ATP8A2: variants seen among roughly 807,000 people sequenced by gnomAD.
The protein encoded by ATP8A2 is phospholipid-transporting ATPase IB.
In ATP8A2, 100 loss-of-function variants were observed where a neutral mutation model predicts 165.6. The ratio of observed to expected loss-of-function variants is 0.60; its 90% CI spans 0.51 to 0.71. ATP8A2 has a LOEUF of 0.71. Ranked by LOEUF, ATP8A2 falls within the 30% of genes least tolerant of loss-of-function variation. The pLI is 0.00. For synonymous variants in ATP8A2, 543 were observed against 548.8 expected, an observed-to-expected ratio of 0.99 and a Z score of 0.15; for missense variants, 1,227 against 1,479.5, an observed-to-expected ratio of 0.83 and a Z score of 2.80.
chr13:25,447,327 C>T (rs185572388), intron 1 of ATP8A2, among the ~76,000 whole-genome samples: 1 of 152,174 alleles, frequency 6.6e-6, no homozygotes, highest in East Asian at 1.9e-4. Context: ...GATATATGCA[C>T]ACAATGGGTA....
At chr13:25,643,185 A>T (rs954890624) in intron 24 of ATP8A2, among the ~76,000 whole-genome samples, 25 of 152,200 alleles carry the variant, frequency 1.6e-4, no homozygotes, top group Admixed American at 1.6e-3. Context: ...CATGTTTTGC[A>T]CATGTACCCT....
At chr13:25,408,282 A>C (rs2033866679) in intron 1 of ATP8A2, among the ~76,000 whole-genome samples, 1 of 151,942 alleles carries the variant, frequency 6.6e-6, no homozygotes. Context: ...AGTCCTAGCT[A>C]CTTGGGAGGC....
At chr13:25,947,585 G>A (rs1265387888) in intron 33 of ATP8A2, among the ~76,000 whole-genome samples, 1 of 152,170 alleles carries the variant, frequency 6.6e-6, no homozygotes, top group Non-Finnish European at 1.5e-5. Flanking sequence ...CTTTCATTCA[G>A]TGATAAGGAG....
intron 33 of ATP8A2, among the ~76,000 whole-genome samples, chr13:25,954,382 A>G (rs78835901): frequency 5.9e-5 from 9 of 152,164 alleles, no homozygotes; most frequent in African/African-American, 2.2e-4. Flanking sequence ...TAAAACTCCC[A>G]TCTCCCTGGG....
At chr13:25,616,606 A>G (rs1485638384) in intron 24 of ATP8A2, among the ~76,000 whole-genome samples, 3 of 152,208 alleles carry the variant, frequency 2.0e-5, no homozygotes, top group Non-Finnish European at 4.4e-5. Context: ...TGCTGGGATT[A>G]TAGGCGTGAA....
chr13:25,400,674 A>C (rs544180756), intron 1 of ATP8A2, among the ~76,000 whole-genome samples: 3 of 152,236 alleles, frequency 2.0e-5, no homozygotes, highest in East Asian at 3.9e-4. Context: ...ACAGTAATAC[A>C]TAGGGTGGGT....
At chr13:25,800,168 A>G (rs570521843) in intron 27 of ATP8A2, among the ~76,000 whole-genome samples, 11 of 152,364 alleles carry the variant, frequency 7.2e-5, no homozygotes, top group East Asian at 3.9e-4. Context: ...TAACTTGTCC[A>G]CACTCAAACA....
chr13:25,696,967 A>G (rs1384878815), intron 24 of ATP8A2, among the ~76,000 whole-genome samples: 1 of 152,232 alleles, frequency 6.6e-6, no homozygotes, highest in African/African-American at 2.4e-5. Flanking sequence ...ACAGATTACC[A>G]TAACAGATAT....
chr13:26,013,154 G>C (rs1341693482), intron 36 of ATP8A2, among the ~76,000 whole-genome samples: 1 of 151,678 alleles, frequency 6.6e-6, no homozygotes, highest in African/African-American at 2.4e-5. Context: ...CTCAGGGGGA[G>C]CTCATGGGCT....
intron 1 of ATP8A2, among the ~76,000 whole-genome samples, chr13:25,439,957 A>ATT (rs2034886926): frequency 6.6e-6 from 1 of 152,120 alleles, no homozygotes; most frequent in Non-Finnish European, 1.5e-5. Context: ...TTGAGAGGTC[A>ATT]CTGCAGGCTA....
intron 33 of ATP8A2, among the ~76,000 whole-genome samples, chr13:25,912,335 A>G (rs780159157): frequency 1.2e-4 from 19 of 152,226 alleles, no homozygotes; most frequent in Non-Finnish European, 2.5e-4. Flanking sequence ...TGTGAAATCT[A>G]AAACAATCAA....
intron 33 of ATP8A2, among the ~76,000 whole-genome samples, chr13:25,937,204 A>G (rs1954915702): frequency 1.3e-5 from 2 of 152,106 alleles, no homozygotes; most frequent in Non-Finnish European, 2.9e-5. Context: ...TTGACATTAA[A>G]TGCCATACAA....
intron 33 of ATP8A2, among the ~76,000 whole-genome samples, chr13:25,890,298 G>C (rs1335903598): frequency 1.3e-5 from 2 of 152,162 alleles, no homozygotes; most frequent in Admixed American, 1.3e-4. Context: ...TAACAACTCA[G>C]TTTCCTTTGA....
chr13:25,728,397 A>G (rs1198097308), intron 25 of ATP8A2, among the ~76,000 whole-genome samples: 1 of 152,220 alleles, frequency 6.6e-6, no homozygotes, highest in Non-Finnish European at 1.5e-5. Flanking sequence ...ATACCCGGCT[A>G]ATAATATTAC....
chr13:25,713,732 A>G lies in ATP8A2; in HGVS notation c.2384+14387A>G, dbSNP rs536800003. ...CTGTGTGTGTGCTGAATGAATATTG[A>G]GCATATGTGTCGCAAATATGTTTCC... On this transcript the variant is annotated intron_variant, in intron 25 of 36. Transcript: ENST00000381655. 6.6e-5 allele frequency among the ~76,000 whole-genome samples: 10 copies of G among 152,148 alleles called. No homozygotes were observed. In the South Asian group the frequency reaches 1.7e-3, roughly 25 times the overall value.
chr13:25,465,515 A>T (rs2035610595), intron 1 of ATP8A2, among the ~76,000 whole-genome samples: 2 of 151,058 alleles, frequency 1.3e-5, no homozygotes, highest in South Asian at 2.1e-4. Context: ...CCAACATCTA[A>T]ATTCTTGTTT....
At chr13:25,769,861 T>C (rs566778415) in intron 26 of ATP8A2, among the ~76,000 whole-genome samples, 1 of 152,262 alleles carries the variant, frequency 6.6e-6, no homozygotes, top group South Asian at 2.1e-4. Flanking sequence ...CGGAGGCTGA[T>C]CCGAGCCTCG....
intron 1 of ATP8A2, among the ~76,000 whole-genome samples, chr13:25,410,234 T>A (rs2033929606): frequency 6.6e-6 from 1 of 152,016 alleles, no homozygotes; most frequent in Non-Finnish European, 1.5e-5. Context: ...TATGGTAAAG[T>A]GTTCTCCCTC....
At chr13:25,798,236 GGTA>G (rs1950536111) in intron 27 of ATP8A2, among the ~76,000 whole-genome samples, 1 of 152,108 alleles carries the variant, frequency 6.6e-6, no homozygotes, top group Non-Finnish European at 1.5e-5. Context: ...TATAAGAAAT[GGTA>G]GTTATTCTTC....
Sources: gnomAD v4.1 joint callset for allele counts (sites outside exome capture counted in the v4.1 genomes callset) on GRCh38, gnomAD v4.1.1 for gene constraint, MANE v1.5 for transcripts, NCBI Gene and HGNC (gene_info 2026-07-23, HGNC 2026-07-21) for gene names.